The following YAP1 variants were observed in gnomAD, a reference collection of about 807,000 sequenced individuals.
The protein encoded by YAP1 is Yes1 associated transcriptional regulator, also known as transcriptional coactivator YAP1.
In YAP1, 5 loss-of-function variants were observed where a neutral mutation model predicts 56.9. The observed-to-expected ratio is 0.09, with a 90% CI of 0.05 to 0.18. YAP1 has a LOEUF of 0.18. Among genes scored for constraint, YAP1 ranks in the 10% least tolerant of loss-of-function variants. YAP1 has a pLI of 1.00. For synonymous variants in YAP1, 265 were observed against 248.1 expected (o/e 1.07, Z -0.64); for missense variants, 539 against 651.8 (o/e 0.83, Z 1.88).
intron 1 of YAP1, 127 bp from the exon 2 acceptor site, chr11:102,114,017 T>C (rs931805139): frequency 4.6e-6 from 4 of 876,054 alleles, no homozygotes; most frequent in Non-Finnish European, 6.6e-6. Flanking sequence ...CAGTGTCGAA[T>C]ATTAAATGTT....
rs1943142159 is a variant in YAP1 at position 102,114,279 on chromosome 11, G to T, written c.457G>T (p.Ala153Ser). The T allele has an allele frequency of 2.5e-6, 4 of 1,614,170 alleles. No individual in the cohort carries two copies. The highest frequency in any genetic ancestry group is 3.4e-6 in the Non-Finnish European group (4 of 1,180,026). Residue 153 changes from alanine to serine, a missense_variant, in exon 2 of 9, where the codon GCT becomes TCT. By Grantham distance (99) the Ala-to-Ser change is moderately conservative. Coordinates refer to ENST00000282441, the MANE Select transcript of YAP1 (RefSeq NM_001130145.3). ...CACTGGAGTAGTCTCTGGCCCAGCA[G>T]CTACACCCACAGCTCAGCATCTTCG... The part of the protein sequence containing the change: ...TPTGVVSGPA[A>S]TPTAQHLRQS...
chr11:102,152,244 G>A (rs899127635), intron 2 of YAP1, among the ~76,000 whole-genome samples: 3 of 152,134 alleles, frequency 2.0e-5, no homozygotes, highest in African/African-American at 7.2e-5. Flanking sequence ...ATTTCTCACC[G>A]CTAATGAAAA....
chr11:102,187,389 G>C (rs1591362409), intron 4 of YAP1, among the ~76,000 whole-genome samples: 1 of 152,042 alleles, frequency 6.6e-6, no homozygotes, highest in East Asian at 1.9e-4. Flanking sequence ...AATGAGGTAT[G>C]TTAATAATTT....
At chr11:102,152,186 T>C (rs1474974505) in intron 2 of YAP1, among the ~76,000 whole-genome samples, 1 of 152,240 alleles carries the variant, frequency 6.6e-6, no homozygotes, top group Non-Finnish European at 1.5e-5. Context: ...CCTGGATAAG[T>C]GAACTATTAT....
chr11:102,132,516 A>C (rs1944423019), intron 2 of YAP1, among the ~76,000 whole-genome samples: 1 of 152,238 alleles, frequency 6.6e-6, no homozygotes, highest in Non-Finnish European at 1.5e-5. Flanking sequence ...AGATTGTTTC[A>C]AAGTGAGGAC....
chr11:102,178,398 G>T (rs918434871), intron 3 of YAP1, among the ~76,000 whole-genome samples: 13 of 152,174 alleles, frequency 8.5e-5, no homozygotes, highest in African/African-American at 3.1e-4. Flanking sequence ...ACAAGGGGAG[G>T]TTGGTCCTCT....
intron 3 of YAP1, among the ~76,000 whole-genome samples, chr11:102,180,011 T>C (rs1947491828): frequency 6.7e-6 from 1 of 148,342 alleles, no homozygotes; most frequent in Non-Finnish European, 1.5e-5. Context: ...ATTCTATTTT[T>C]TTTTTTTTTT....
chr11:102,194,619 C>G (rs1353840314), intron 4 of YAP1, among the ~76,000 whole-genome samples: 1 of 152,146 alleles, frequency 6.6e-6, no homozygotes, highest in East Asian at 1.9e-4. Flanking sequence ...GTAAAAGGTA[C>G]TAAACAATGT....
intron 2 of YAP1, among the ~76,000 whole-genome samples, chr11:102,135,980 A>G (rs964025779): frequency 2.0e-5 from 3 of 152,206 alleles, no homozygotes; most frequent in Admixed American, 2.0e-4. Flanking sequence ...TTTGTGTTAT[A>G]TAAAGATGCT....
At chr11:102,176,765 A>AAAAAAAAAAAAAAAAAAAAAAAAAC (rs1947281078) in intron 3 of YAP1, among the ~76,000 whole-genome samples, 1 of 147,096 alleles carries the variant, frequency 6.8e-6, no homozygotes, top group African/African-American at 2.6e-5. Flanking sequence ...AAAAAAAAAA[A>AAAAAAAAAAAAAAAAAAAAAAAAAC]AAAAAAAAAA....
Position 102,230,013 on chromosome 11 carries a change from C to A in YAP1, c.*73C>A. On this transcript the variant is annotated 3_prime_UTR_variant, in exon 9 of 9. Coordinates refer to ENST00000282441, the MANE Select transcript of YAP1 (RefSeq NM_001130145.3). ...CACATGCACCGGAAATTTCCATAAG[C>A]CAGTTGCAGTTTTCAGGCTAATACA... 1 of 1,316,284 alleles carries A rather than the reference C, an allele frequency of 7.6e-7. No homozygotes were observed. The highest frequency in any genetic ancestry group is 1.1e-6 in the Non-Finnish European group (1 of 928,228). 81.5% of individuals were successfully genotyped at this position (1,316,284 alleles called of 1,614,324 possible). A position where few individuals can be genotyped will look rare whatever the true frequency, so the allele number is the denominator to read the frequency against.
intron 2 of YAP1, among the ~76,000 whole-genome samples, chr11:102,142,400 A>G (rs1395501439): frequency 1.3e-5 from 2 of 152,234 alleles, no homozygotes; most frequent in Admixed American, 6.5e-5. Context: ...ATTATCTGTC[A>G]AACTGTGGAA....
At chr11:102,161,384 A>ACACT (rs960178299) in intron 2 of YAP1, among the ~76,000 whole-genome samples, 6 of 145,246 alleles carry the variant, frequency 4.1e-5, no homozygotes, top group Admixed American at 4.1e-4. Flanking sequence ...ACACACACAC[A>ACACT]CACTAAACAA....
intron 2 of YAP1, among the ~76,000 whole-genome samples, chr11:102,161,275 G>C (rs1946264551): frequency 1.3e-5 from 2 of 149,796 alleles, no homozygotes; most frequent in South Asian, 4.2e-4. Flanking sequence ...TGTTAGCCAG[G>C]ATGGTCTCGA....
intron 4 of YAP1, among the ~76,000 whole-genome samples, chr11:102,204,736 T>G (rs938764874): frequency 6.6e-6 from 1 of 152,188 alleles, no homozygotes; most frequent in Admixed American, 6.5e-5. Context: ...TGTAGCAAGG[T>G]TTATATGAGA....
chr11:102,191,532 A>AT (rs1948280805), intron 4 of YAP1, among the ~76,000 whole-genome samples: 1 of 152,206 alleles, frequency 6.6e-6, no homozygotes. Flanking sequence ...AATGCAGTTA[A>AT]TCTTTCAGAA....
chr11:102,224,861 T>G (rs1950118886), intron 7 of YAP1, among the ~76,000 whole-genome samples: 1 of 152,206 alleles, frequency 6.6e-6, no homozygotes, highest in Non-Finnish European at 1.5e-5. Context: ...CCTCAGAACT[T>G]TTTTTCCAAC....
Position 102,180,534 on chromosome 11 carries a change from T to C in YAP1, c.689-5484T>C, listed in dbSNP as rs370824320. Among the ~76,000 whole-genome samples, 14 of 150,540 alleles carry C rather than the reference T, an allele frequency of 9.3e-5. No individual in the cohort carries two copies. The East Asian group carries it at 2.6e-3, about 28-fold the overall frequency. ...CGTCTCTACTAAAAGTACAAAAAAT[T>C]AGCCAGGCATGGTGGCGGGCGCCTG... is the stretch of plus-strand genomic sequence containing the variant. On this transcript the variant is annotated intron_variant, in intron 3 of 8. Coordinates refer to ENST00000282441, the MANE Select transcript of YAP1 (RefSeq NM_001130145.3).
rs1269327472 is a variant in YAP1, at chr11:102,114,405, A to G, written c.572+11A>G. On this transcript the variant is annotated intron_variant, in intron 2 of 8. Transcript: ENST00000282441. ...GAGATACTTCTTAAAGTAAGTGAAA[A>G]TAATGGTGGGAGACAGTTATCTAAG... 3.7e-6 allele frequency: 6 copies of G among 1,604,930 alleles called. No individual in the cohort carries two copies. The highest frequency in any genetic ancestry group is 5.1e-6 in the Non-Finnish European group (6 of 1,172,126).
Sources: gnomAD v4.1 joint callset for allele counts (sites outside exome capture counted in the v4.1 genomes callset) on GRCh38, gnomAD v4.1.1 for gene constraint, MANE v1.5 for transcripts, NCBI Gene and HGNC (gene_info 2026-07-23, HGNC 2026-07-21) for gene names.